Variants in KIAA1217 observed in about 807,000 individuals in gnomAD.
The protein encoded by KIAA1217 is sickle tail protein homolog.
In KIAA1217, 88 loss-of-function variants were observed where a neutral mutation model predicts 163.9. The observed-to-expected ratio is 0.54, with a 90% confidence interval of 0.45 to 0.64. The LOEUF (loss-of-function observed/expected upper bound fraction) is 0.64. Among genes scored for constraint, KIAA1217 ranks in the 30% least tolerant of loss-of-function variants. The pLI, the probability that KIAA1217 is intolerant of heterozygous loss-of-function variation, is 0.00. For synonymous variants in KIAA1217, 903 were observed against 923.1 expected (o/e 0.98, Z 0.39); for missense variants, 2,372 against 2,475.0 (o/e 0.96, Z 0.88).
intron 2 of KIAA1217, among the ~76,000 whole-genome samples, chr10:24,353,135 A>G (rs1239120677): frequency 4.6e-5 from 7 of 152,114 alleles, no homozygotes; most frequent in African/African-American, 1.2e-4. Flanking sequence ...GGGCACTCAT[A>G]TAGGTGGTGC....
intron 2 of KIAA1217, among the ~76,000 whole-genome samples, chr10:24,295,695 AG>A (rs1466652140): frequency 1.3e-5 from 2 of 152,064 alleles, no homozygotes; most frequent in African/African-American, 4.8e-5. Flanking sequence ...TCTTCATCTG[AG>A]GGTGAAGGGT....
chr10:23,941,333 G>A (rs773209703), intron 1 of KIAA1217, among the ~76,000 whole-genome samples: 3 of 152,134 alleles, frequency 2.0e-5, no homozygotes, highest in South Asian at 4.1e-4. Context: ...TGAACAAATC[G>A]TGTAATGTAA....
intron 1 of KIAA1217, among the ~76,000 whole-genome samples, chr10:23,855,707 G>A (rs1194567269): frequency 6.6e-6 from 1 of 152,050 alleles, no homozygotes; most frequent in Admixed American, 6.6e-5. Context: ...GGCTTTGTTT[G>A]TTTCTTTTTA....
At chr10:24,251,158 G>T (rs139938342) in intron 2 of KIAA1217, among the ~76,000 whole-genome samples, 172 of 151,444 alleles carry the variant, frequency 1.1e-3, no homozygotes, top group African/African-American at 4.1e-3. Context: ...CCCAGGAGGC[G>T]GAGGTTGCAG....
intron 1 of KIAA1217, among the ~76,000 whole-genome samples, chr10:23,750,998 T>C (rs1446293092): frequency 1.3e-5 from 2 of 149,120 alleles, no homozygotes; most frequent in African/African-American, 5.0e-5. Context: ...TTCCCTTCCC[T>C]TCCCTTTGTT....
In KIAA1217 at chr10:23,895,923, G is replaced by A. The variant is rs931271730; in HGVS notation, c.-320-111302G>A. Among the ~76,000 whole-genome samples the A allele has an allele frequency of 1.8e-3, 266 of 146,408 alleles. 2 individuals are homozygous for A. The highest frequency in any genetic ancestry group is 6.0e-3 in the African/African-American group (237 of 39,696). ...AACCAAACACCGCATATTCTCACTC[G>A]TAGGTGGGAATTGAACAATGAGAAC... On this transcript the variant is annotated intron_variant, in intron 1 of 18. Coordinates refer to the KIAA1217 transcript ENST00000376462.
At chr10:23,733,620 A>T (rs1838609148) in intron 1 of KIAA1217, among the ~76,000 whole-genome samples, 1 of 142,048 alleles carries the variant, frequency 7.0e-6, no homozygotes, top group African/African-American at 2.7e-5. Context: ...TTTTGTTGTT[A>T]TGTTTTTTTT....
At chr10:24,280,895 A>T (rs1431376114) in intron 2 of KIAA1217, among the ~76,000 whole-genome samples, 1 of 152,218 alleles carries the variant, frequency 6.6e-6, no homozygotes, top group Non-Finnish European at 1.5e-5. Context: ...AAAATTATCA[A>T]ATACTCTAGA....
At chr10:24,286,211 C>T (rs1383236600) in intron 2 of KIAA1217, among the ~76,000 whole-genome samples, 3 of 151,728 alleles carry the variant, frequency 2.0e-5, no homozygotes, top group Admixed American at 2.0e-4. Flanking sequence ...AGATCTTTTG[C>T]CCATTTTTTT....
chr10:23,830,301 C>T (rs932148086), intron 1 of KIAA1217, among the ~76,000 whole-genome samples: 1 of 152,140 alleles, frequency 6.6e-6, no homozygotes, highest in African/African-American at 2.4e-5. Flanking sequence ...CACAGTCCTT[C>T]GTTGACAGTG....
chr10:24,350,376 A>G (rs2048309930), intron 2 of KIAA1217, among the ~76,000 whole-genome samples: 1 of 152,304 alleles, frequency 6.6e-6, no homozygotes, highest in Non-Finnish European at 1.5e-5. Flanking sequence ...TAGATCGTGA[A>G]CTACCCAAAG....
At chr10:24,051,737 T>G (rs1386212952) in intron 2 of KIAA1217, among the ~76,000 whole-genome samples, 1 of 152,164 alleles carries the variant, frequency 6.6e-6, no homozygotes, top group Non-Finnish European at 1.5e-5. Context: ...GTTTGTTGGT[T>G]ATTTGTATAT....
chr10:23,823,100 C>T (rs1196965740), intron 1 of KIAA1217, among the ~76,000 whole-genome samples: 1 of 152,164 alleles, frequency 6.6e-6, no homozygotes, highest in Admixed American at 6.5e-5. Flanking sequence ...GGGTCCTCTG[C>T]TTAGAGTCAT....
At chr10:23,872,162 A>T (rs958875851) in intron 1 of KIAA1217, among the ~76,000 whole-genome samples, 1 of 152,080 alleles carries the variant, frequency 6.6e-6, no homozygotes, top group African/African-American at 2.4e-5. Flanking sequence ...GCAGAGTGAG[A>T]CTAGGGGGTC....
chr10:24,190,469 A>T (rs2066664421), intron 2 of KIAA1217, among the ~76,000 whole-genome samples: 1 of 152,140 alleles, frequency 6.6e-6, no homozygotes, highest in Non-Finnish European at 1.5e-5. Flanking sequence ...GCCTCCCTTG[A>T]CTCAGAGCTC....
intron 1 of KIAA1217, among the ~76,000 whole-genome samples, chr10:23,712,981 C>T (rs571027420): frequency 3.3e-5 from 5 of 152,046 alleles, no homozygotes; most frequent in South Asian, 4.1e-4. Flanking sequence ...ACATGTAATG[C>T]GGCTTGCAGG....
intron 2 of KIAA1217, among the ~76,000 whole-genome samples, chr10:24,232,935 CAA>C (rs908492411): frequency 8.7e-4 from 49 of 56,314 alleles, no homozygotes; most frequent in African/African-American, 3.2e-3. Flanking sequence ...CTTATCTCTA[CAA>C]AAAAAAAAAA....
chr10:24,520,644 AAAAAAAAATATAT>A (rs1430618033), intron 11 of KIAA1217, among the ~76,000 whole-genome samples: 16 of 89,954 alleles, frequency 1.8e-4, no homozygotes, highest in African/African-American at 9.0e-4. Flanking sequence ...AAAAAAAAAA[AAAAAAAAATATAT>A]ATATATATAT....
Position 24,209,169 on chromosome 10 carries a change from G to A in KIAA1217, c.-25G>A. On this transcript the variant is annotated 5_prime_UTR_variant, in exon 1 of 21. Coordinates refer to ENST00000376454, the MANE Select transcript of KIAA1217 (RefSeq NM_019590.5). ...GCGCTCTGAAGTTTCCAGAGAGCGAGGAGCTTTTGCGGCAGGCAGAGACAA... is the reference window on the plus strand; with the variant it reads ...GCGCTCTGAAGTTTCCAGAGAGCGAAGAGCTTTTGCGGCAGGCAGAGACAA... The A allele has an allele frequency of 6.2e-7, 1 of 1,611,720 alleles. No individual in the cohort carries two copies.
Sources: gnomAD v4.1 joint callset for allele counts (sites outside exome capture counted in the v4.1 genomes callset) on GRCh38, gnomAD v4.1.1 for gene constraint, MANE v1.5 for transcripts, NCBI Gene and HGNC (gene_info 2026-07-23, HGNC 2026-07-21) for gene names.